Variants in ROR1 observed in about 807,000 individuals in gnomAD.
The protein encoded by ROR1 is ROR family WNT receptor 1.
Under a neutral mutation model 78.8 loss-of-function variants are expected in ROR1, and 19 were observed. The observed-to-expected ratio is 0.24, with a 90% confidence interval of 0.17 to 0.35. The LOEUF is 0.35. Among genes scored for constraint, ROR1 ranks in the 10% least tolerant of loss-of-function variants. ROR1 has a pLI of 1.00. For missense variants in ROR1, 917 were observed against 1,177.8 expected (o/e 0.78, Z 3.24); for synonymous variants, 386 against 433.6 (o/e 0.89, Z 1.36).
At chr1:64,036,828 T>C (rs1200096934) in intron 2 of ROR1, among the ~76,000 whole-genome samples, 1 of 152,224 alleles carries the variant, frequency 6.6e-6, no homozygotes, top group African/African-American at 2.4e-5. Flanking sequence ...ATGATTCTTG[T>C]GCAGAGTCTC....
intron 1 of ROR1, among the ~76,000 whole-genome samples, chr1:63,777,017 C>A (rs758670722): frequency 3.9e-5 from 6 of 152,150 alleles, no homozygotes; most frequent in Non-Finnish European, 5.9e-5. Flanking sequence ...CAAAACATTT[C>A]TCCCATCATT....
rs904020391 is a variant in ROR1, at chr1:63,939,411, T to C, written c.92-69894T>C. ...GGTGGTATGCCAGGTATATAGCCCC[T>C]AAGAAGTAAAAATTTTGCTTATTTT... On this transcript the variant is annotated intron_variant, in intron 1 of 8. Transcript: ENST00000371079. 2.6e-5 allele frequency among the ~76,000 whole-genome samples: 4 copies of C among 152,132 alleles called. No homozygotes were observed. In the East Asian group the frequency reaches 7.7e-4, roughly 29 times the overall value.
At chr1:64,053,061 T>C (rs1370256615) in intron 4 of ROR1, among the ~76,000 whole-genome samples, 1 of 152,168 alleles carries the variant, frequency 6.6e-6, no homozygotes, top group Admixed American at 6.5e-5. Context: ...CCATGGGGAA[T>C]ATCATAACAT....
chr1:64,017,912 A>G (rs113654573), intron 2 of ROR1, among the ~76,000 whole-genome samples: 46 of 152,200 alleles, frequency 3.0e-4, no homozygotes, highest in Non-Finnish European at 4.7e-4. Flanking sequence ...TACTATTTTC[A>G]GTAATTACTG....
At chr1:64,063,608 C>T (rs966641559) in intron 4 of ROR1, among the ~76,000 whole-genome samples, 1 of 149,566 alleles carries the variant, frequency 6.7e-6, no homozygotes. Context: ...TGTTGCTGTC[C>T]TCTCTATGTC....
Position 64,180,687 on chromosome 1 carries a change from T to C in ROR1, c.*1832T>C, listed in dbSNP as rs2100749569. 6.6e-6 allele frequency: 1 copy of C among 152,342 alleles called. No individual in the cohort carries two copies. Among genetic ancestry groups the C allele is most frequent in the Non-Finnish European group, 1.5e-5 (1 of 67,998 alleles). The allele number at this position is 152,342 out of a possible 1,614,324, so 9.4% of individuals were successfully genotyped here. On this transcript the variant is annotated 3_prime_UTR_variant, in exon 9 of 9. Transcript: ENST00000371079. ...ATCCTTTTGTTGCTATGCAACTGTT[T>C]AATGATGAAGCTTCAAACCACAATT...
intron 1 of ROR1, among the ~76,000 whole-genome samples, chr1:63,851,003 C>T (rs971352991): frequency 6.6e-6 from 1 of 151,902 alleles, no homozygotes; most frequent in Non-Finnish European, 1.5e-5. Flanking sequence ...TTGTTTGAGA[C>T]AGAATCTTGC....
chr1:64,029,898 T>C (rs561020473), intron 2 of ROR1, among the ~76,000 whole-genome samples: 3 of 152,324 alleles, frequency 2.0e-5, no homozygotes, highest in South Asian at 4.1e-4. Flanking sequence ...TATGCTGTTT[T>C]CCCAGCATAA....
At chr1:64,076,509 C>A (rs562012195) in intron 4 of ROR1, among the ~76,000 whole-genome samples, 1 of 152,124 alleles carries the variant, frequency 6.6e-6, no homozygotes, top group Admixed American at 6.5e-5. Flanking sequence ...AAACTTGCCT[C>A]AATTTAGAGA....
chr1:64,078,071 A>C (rs1647067347), intron 4 of ROR1, among the ~76,000 whole-genome samples: 1 of 152,238 alleles, frequency 6.6e-6, no homozygotes, highest in Non-Finnish European at 1.5e-5. Context: ...GAGAAGCAGA[A>C]ACAGTCTACA....
intron 1 of ROR1, among the ~76,000 whole-genome samples, chr1:63,972,942 T>C (rs1025058869): frequency 6.6e-6 from 1 of 152,270 alleles, no homozygotes; most frequent in Non-Finnish European, 1.5e-5. Flanking sequence ...GGCTCATGGT[T>C]ACCACTAACC....
intron 1 of ROR1, among the ~76,000 whole-genome samples, chr1:63,924,662 C>T (rs1322982176): frequency 2.0e-5 from 3 of 152,164 alleles, no homozygotes; most frequent in African/African-American, 7.2e-5. Context: ...CCATGAAAGA[C>T]CTGGCTCTGC....
intron 6 of ROR1, among the ~76,000 whole-genome samples, chr1:64,140,807 A>G (rs1649288292): frequency 6.6e-6 from 1 of 152,256 alleles, no homozygotes; most frequent in African/African-American, 2.4e-5. Context: ...AAATGCCATC[A>G]GTAGAGGAGC....
chr1:63,837,684 G>C (rs574231233), intron 1 of ROR1, among the ~76,000 whole-genome samples: 5 of 152,306 alleles, frequency 3.3e-5, no homozygotes, highest in Non-Finnish European at 5.9e-5. Context: ...AGCTGGACAC[G>C]GTGGCGTGTT....
chr1:64,092,740 T>A (rs1417144988), intron 4 of ROR1, among the ~76,000 whole-genome samples: 1 of 152,224 alleles, frequency 6.6e-6, no homozygotes, highest in African/African-American at 2.4e-5. Context: ...AATATATAAA[T>A]TATCTGTGTG....
At chr1:64,000,770 C>T (rs1646376496) in intron 1 of ROR1, among the ~76,000 whole-genome samples, 1 of 152,152 alleles carries the variant, frequency 6.6e-6, no homozygotes, top group African/African-American at 2.4e-5. Flanking sequence ...TTTCAAAGGA[C>T]CACCTTCCTG....
chr1:63,820,965 T>C (rs1644919813), intron 1 of ROR1, among the ~76,000 whole-genome samples: 1 of 152,170 alleles, frequency 6.6e-6, no homozygotes, highest in Admixed American at 6.5e-5. Context: ...ATATGCTATC[T>C]CTGTTACAGG....
Position 64,181,441 on chromosome 1 carries a change from A to G in ROR1, c.*2586A>G, listed in dbSNP as rs1650543502. 6.6e-6 allele frequency: 1 copy of G among 152,186 alleles called. No individual in the cohort carries two copies. Among genetic ancestry groups the G allele is most frequent in the South Asian group, 2.1e-4 (1 of 4,838 alleles). The allele number at this position is 152,186 out of a possible 1,614,324, so 9.4% of individuals were successfully genotyped here. A position where few individuals can be genotyped will look rare whatever the true frequency, so the allele number is the denominator to read the frequency against. ...TGCATTTGTATTTCACACACCAGAG[A>G]TGATATTAAACACTGATTATTTTAT... On this transcript the variant is annotated 3_prime_UTR_variant, in exon 9 of 9. Coordinates refer to ENST00000371079, the MANE Select transcript of ROR1 (RefSeq NM_005012.4).
intron 8 of ROR1, among the ~76,000 whole-genome samples, chr1:64,168,126 T>G (rs552413082): frequency 6.6e-6 from 1 of 152,338 alleles, no homozygotes; most frequent in South Asian, 2.1e-4. Context: ...ATTAAATGGG[T>G]TGATGCATTA....
Sources: gnomAD v4.1 joint callset for allele counts (sites outside exome capture counted in the v4.1 genomes callset) on GRCh38, gnomAD v4.1.1 for gene constraint, MANE v1.5 for transcripts, NCBI Gene and HGNC (gene_info 2026-07-23, HGNC 2026-07-21) for gene names.